Variants in ZNF157 observed in about 807,000 individuals in gnomAD.
ZNF157 encodes zinc finger protein 157.
In ZNF157, 8 loss-of-function variants were observed where a neutral mutation model predicts 9.4. The ratio of observed to expected loss-of-function variants is 0.85; its 90% CI spans 0.50 to 1.53. The LOEUF is 1.53. ZNF157 is among the 40% of genes most tolerant of loss of function. ZNF157 has a pLI of 0.00. For missense variants in ZNF157, 316 were observed against 385.2 expected, an observed-to-expected ratio of 0.82 and a Z score of 1.50; for synonymous variants, 120 against 130.8, an observed-to-expected ratio of 0.92 and a Z score of 0.56.
In ZNF157 at chrX:47,413,844, G is replaced by A. The variant is rs2055975000; in HGVS notation, c.*250G>A. ...TCCTCTGCTCATTGTTTTCAAATGG[G>A]CTGTTCATCTCTTGCTTTTTGGTTT... On this transcript the variant is annotated 3_prime_UTR_variant, in exon 4 of 4. Coordinates refer to ENST00000377073, the MANE Select transcript of ZNF157 (RefSeq NM_003446.4). The A allele has an allele frequency of 3.5e-6, 1 of 287,081 alleles. No homozygotes were observed. The highest frequency in any genetic ancestry group is 6.0e-5 in the Admixed American group (1 of 16,766). 23.7% of individuals were successfully genotyped at this position (287,081 alleles called of 1,213,427 possible).
intron 1 of ZNF157, among the ~76,000 whole-genome samples, chrX:47,371,164 C>G (rs1602755806): frequency 9.1e-6 from 1 of 110,495 alleles, no homozygotes; most frequent in East Asian, 2.8e-4. Flanking sequence ...ATAGTGAAAC[C>G]CTGTTTGTAC....
At chrX:47,411,048 G>A (rs1372657113) in intron 3 of ZNF157, among the ~76,000 whole-genome samples, 1 of 108,635 alleles carries the variant, frequency 9.2e-6, no homozygotes, top group Non-Finnish European at 1.9e-5. Context: ...GAGTGCAGTG[G>A]TGCGATCTCA....
chrX:47,390,556 T>G (rs143187832), intron 1 of ZNF157: 3 of 111,597 alleles, frequency 2.7e-5, no homozygotes, highest in African/African-American at 9.7e-5. Context: ...AAATACAAAA[T>G]TAGCTGGGTG....
At chrX:47,393,811 T>C (rs1170516186) in intron 1 of ZNF157, among the ~76,000 whole-genome samples, 3 of 97,302 alleles carry the variant, frequency 3.1e-5, no homozygotes, top group Non-Finnish European at 4.0e-5. Context: ...ATTAAACCAC[T>C]GACCACTGGT....
At chrX:47,396,622 T>C (rs889290146) in intron 1 of ZNF157, among the ~76,000 whole-genome samples, 10 of 111,912 alleles carry the variant, frequency 8.9e-5, no homozygotes, top group Admixed American at 4.8e-4. Flanking sequence ...ATAACTGCCT[T>C]CTTCTACCCA....
intron 1 of ZNF157, among the ~76,000 whole-genome samples, chrX:47,407,640 CT>C (rs1489474089): frequency 8.9e-6 from 1 of 111,815 alleles, no homozygotes; most frequent in East Asian, 2.8e-4. Context: ...TTCTCTTACT[CT>C]CATTTTAATG....
chrX:47,393,808 C>T (rs1174067240), intron 1 of ZNF157, among the ~76,000 whole-genome samples: 3 of 98,075 alleles, frequency 3.1e-5, no homozygotes, highest in Non-Finnish European at 4.0e-5. Context: ...ACCATTAAAC[C>T]ACTGACCACT....
At chrX:47,410,994 AT>A (rs749589277) in intron 3 of ZNF157, among the ~76,000 whole-genome samples, 237 of 100,762 alleles carry the variant, frequency 2.4e-3, no homozygotes, top group Middle Eastern at 5.0e-3. Context: ...TTTTATCTTG[AT>A]TTTTTTTTTT....
chrX:47,410,224 T>G (rs1337996840), intron 1 of ZNF157, 52 bp from the exon 2 acceptor site: 2 of 1,205,739 alleles, frequency 1.7e-6, no homozygotes, highest in East Asian at 5.9e-5. Flanking sequence ...GATTAGTTCC[T>G]GCACATCTTT....
rs781763726 is a variant in ZNF157, at chrX:47,387,886, C to CAAA, written c.72+17167_72+17169dup. On this transcript the variant is annotated intron_variant, in intron 1 of 3. Transcript: ENST00000377073. ...TGGGTGACAGAGCAAGACTCTGTCT[C>CAAA]AAAAAAAAAAAAAAAAAAAAAAAGA... 3.0e-3 allele frequency among the ~76,000 whole-genome samples: 103 copies of CAAA among 34,355 alleles called. 1 individual carries two copies. The highest frequency in any genetic ancestry group is 4.4e-3 in the Admixed American group (8 of 1,822). 29.8% of individuals were successfully genotyped at this position (34,355 alleles called of 115,157 possible). A position where few individuals can be genotyped will look rare whatever the true frequency, so the allele number is the denominator to read the frequency against.
intron 1 of ZNF157, among the ~76,000 whole-genome samples, chrX:47,396,488 G>A (rs1293775174): frequency 4.5e-5 from 5 of 110,495 alleles, no homozygotes; most frequent in African/African-American, 1.3e-4. Context: ...GCAGTGAGCC[G>A]AGATCGCGCC....
At chrX:47,386,505 G>A (rs1433281374) in intron 1 of ZNF157, among the ~76,000 whole-genome samples, 2 of 111,344 alleles carry the variant, frequency 1.8e-5, no homozygotes, top group Non-Finnish European at 3.8e-5. Flanking sequence ...CTGTCGTCAG[G>A]TTGGAGTGCA....
intron 1 of ZNF157, among the ~76,000 whole-genome samples, chrX:47,399,837 G>C (rs1290762463): frequency 9.0e-6 from 1 of 110,529 alleles, no homozygotes; most frequent in Non-Finnish European, 1.9e-5. Flanking sequence ...ACACCATCAT[G>C]CCTAGTTAAT....
intron 1 of ZNF157, among the ~76,000 whole-genome samples, chrX:47,396,186 G>A (rs777189799): frequency 7.2e-5 from 8 of 110,563 alleles, no homozygotes; most frequent in African/African-American, 1.6e-4. Flanking sequence ...CTACTTGGGC[G>A]ACTGAGGGAA....
chrX:47,404,307 G>A (rs2055940226), intron 1 of ZNF157, among the ~76,000 whole-genome samples: 1 of 108,608 alleles, frequency 9.2e-6, no homozygotes, highest in African/African-American at 3.3e-5. Context: ...TGGGATTACA[G>A]GCGCGCACCA....
At chrX:47,396,222 G>A (rs763947465) in intron 1 of ZNF157, among the ~76,000 whole-genome samples, 1 of 110,530 alleles carries the variant, frequency 9.0e-6, no homozygotes, top group South Asian at 3.9e-4. Flanking sequence ...CCTGGGTAAC[G>A]AAGCAAGACC....
At chrX:47,381,028 GAGC>G in intron 1 of ZNF157, among the ~76,000 whole-genome samples, 1 of 101,715 alleles carries the variant, frequency 9.8e-6, no homozygotes, top group Non-Finnish European at 2.0e-5. Flanking sequence ...GGAGGAGGAG[GAGC>G]AGGAGGAGGA....
chrX:47,373,371 A>G (rs957418146), intron 1 of ZNF157, among the ~76,000 whole-genome samples: 2 of 111,149 alleles, frequency 1.8e-5, no homozygotes, highest in African/African-American at 6.6e-5. Flanking sequence ...ATTGCAAGAG[A>G]GCAACAGGTA....
intron 1 of ZNF157, chrX:47,388,652 G>T (rs1354239390): frequency 1.3e-5 from 2 of 148,263 alleles, no homozygotes; most frequent in Admixed American, 6.2e-5. Context: ...ATCCTCTGGG[G>T]TGTGCTCAGA....
Sources: allele counts gnomAD v4.1 joint callset (sites outside exome capture counted in the v4.1 genomes callset), GRCh38; gene constraint gnomAD v4.1.1; transcripts MANE v1.5; gene names NCBI Gene and HGNC (gene_info 2026-07-23, HGNC 2026-07-21).